BCL2: variants seen among roughly 807,000 people sequenced by gnomAD.
BCL2 encodes the protein BCL2 apoptosis regulator, also known as apoptosis regulator Bcl-2.
Under a neutral mutation model 14.2 loss-of-function variants are expected in BCL2, and 1 was observed. The ratio of observed to expected loss-of-function variants is 0.07; its 90% CI spans 0.02 to 0.33. The LOEUF is 0.33. Among genes scored for constraint, BCL2 ranks in the 10% least tolerant of loss-of-function variants. The probability of loss-of-function intolerance (pLI) is 0.99; values close to 1 mark genes in which losing one functional copy is unlikely to be tolerated. For synonymous variants in BCL2, 151 were observed against 137.2 expected (o/e 1.10, Z -0.70); for missense variants, 247 against 305.9 (o/e 0.81, Z 1.44).
intron 2 of BCL2, among the ~76,000 whole-genome samples, chr18:63,169,677 C>A (rs900489402): frequency 1.3e-5 from 2 of 151,752 alleles, no homozygotes; most frequent in Non-Finnish European, 2.9e-5. Flanking sequence ...GTGTGTGACA[C>A]CATGCCCAGC....
chr18:63,272,819 C>T (rs950022445), intron 2 of BCL2, among the ~76,000 whole-genome samples: 3 of 152,148 alleles, frequency 2.0e-5, no homozygotes, highest in African/African-American at 7.2e-5. Context: ...GATTCAAACT[C>T]AATTCCCTTC....
intron 2 of BCL2, among the ~76,000 whole-genome samples, chr18:63,152,339 C>T (rs1914670380): frequency 6.6e-6 from 1 of 152,214 alleles, no homozygotes; most frequent in Admixed American, 6.5e-5. Flanking sequence ...ATTATTTGCT[C>T]AGCAGAGCCT....
At chr18:63,160,713 C>G (rs1380732630) in intron 2 of BCL2, among the ~76,000 whole-genome samples, 2 of 152,170 alleles carry the variant, frequency 1.3e-5, no homozygotes, top group Admixed American at 6.5e-5. Flanking sequence ...CATCACATTC[C>G]TCCCTGTCTC....
At chr18:63,164,175 G>A (rs950459151) in intron 2 of BCL2, among the ~76,000 whole-genome samples, 1 of 152,196 alleles carries the variant, frequency 6.6e-6, no homozygotes, top group Admixed American at 6.5e-5. Flanking sequence ...TCAGGACCCT[G>A]TGATATGGTA....
At position 63,179,832 on chromosome 18, in the gene BCL2, GTAT is replaced by G. The variant is rs1915442888; in HGVS notation, c.586-51076_586-51074del. Among the ~76,000 whole-genome samples, 3 of 152,202 alleles carry G rather than the reference GTAT, an allele frequency of 2.0e-5. No individual in the cohort carries two copies. In the South Asian group the frequency reaches 6.2e-4, roughly 31 times the overall value. ...TTATGACGATGAAATGAGTTGCCAG[GTAT>G]TATAGTGTTTAGAATGCAGCATAGC... On this transcript the variant is annotated intron_variant, in intron 2 of 2. Coordinates refer to ENST00000333681, the MANE Select transcript of BCL2 (RefSeq NM_000633.3).
chr18:63,211,063 C>CTTTTTTTTTTTTT (rs59302545), intron 2 of BCL2, among the ~76,000 whole-genome samples: 2 of 59,142 alleles, frequency 3.4e-5, no homozygotes, highest in African/African-American at 7.0e-5. Flanking sequence ...CTTTTCATTT[C>CTTTTTTTTTTTTT]TTTTTTTTTT....
chr18:63,142,685 C>T (rs188558129), intron 2 of BCL2, among the ~76,000 whole-genome samples: 2 of 152,288 alleles, frequency 1.3e-5, no homozygotes, highest in East Asian at 1.9e-4. Flanking sequence ...ATCAATCTAC[C>T]GATCAGGAAG....
chr18:63,170,574 G>A (rs1231410226), intron 2 of BCL2, among the ~76,000 whole-genome samples: 1 of 152,194 alleles, frequency 6.6e-6, no homozygotes, highest in Non-Finnish European at 1.5e-5. Flanking sequence ...CTAACACTGT[G>A]AGATGCAAGT....
intron 2 of BCL2, among the ~76,000 whole-genome samples, chr18:63,167,913 G>A (rs1287370474): frequency 1.3e-5 from 2 of 148,594 alleles, no homozygotes; most frequent in African/African-American, 2.5e-5. Context: ...GTGACAGAGT[G>A]AGACTCCGTC....
chr18:63,123,668 A>G lies in BCL2; in HGVS notation c.*4957T>C, dbSNP rs956961162. The G allele has an allele frequency of 4.7e-6, 1 of 212,780 alleles. No individual in the cohort carries two copies. The highest frequency in any genetic ancestry group is 9.5e-6 in the Non-Finnish European group (1 of 105,180). 13.2% of individuals were successfully genotyped at this position (212,780 alleles called of 1,614,324 possible). A position where few individuals can be genotyped will look rare whatever the true frequency, so the allele number is the denominator to read the frequency against. ...ACACTTATTTTTATTTAAAACAAAA[A>G]TAACCCCAGTAACTCAAAACAAAAG... On this transcript the variant is annotated 3_prime_UTR_variant, in exon 3 of 3. Transcript: ENST00000333681.
At chr18:63,260,772 G>T (rs1205072778) in intron 2 of BCL2, among the ~76,000 whole-genome samples, 1 of 151,554 alleles carries the variant, frequency 6.6e-6, no homozygotes, top group Non-Finnish European at 1.5e-5. Context: ...TGAAGTGGGA[G>T]AAATAAGAGG....
chr18:63,316,232 C>T (rs1177479352), intron 2 of BCL2: 1 of 152,178 alleles, frequency 6.6e-6, no homozygotes, highest in African/African-American at 2.4e-5. Flanking sequence ...TAATTTCTGT[C>T]ATAAACATGT....
intron 2 of BCL2, among the ~76,000 whole-genome samples, chr18:63,254,992 C>A (rs1911429137): frequency 6.6e-6 from 1 of 152,182 alleles, no homozygotes. Context: ...TGGATCTGGT[C>A]CTTGGATTGC....
In BCL2 at chr18:63,145,597, A is replaced by G. The variant is rs553741039; in HGVS notation, c.586-16838T>C. 1.0e-4 allele frequency among the ~76,000 whole-genome samples: 16 copies of G among 152,382 alleles called. No homozygotes were observed. The South Asian group carries it at 3.3e-3, about 32-fold the overall frequency. On this transcript the variant is annotated intron_variant, in intron 2 of 2. Coordinates refer to ENST00000333681, the MANE Select transcript of BCL2 (RefSeq NM_000633.3). ...GAACCTACCTGCCAAGTGTTTTACA[A>G]GAACCTAGCTCTGCTCACCAAGCAT...
At chr18:63,299,985 CCAGAAA>C (rs1295359453) in intron 2 of BCL2, among the ~76,000 whole-genome samples, 1 of 152,038 alleles carries the variant, frequency 6.6e-6, no homozygotes, top group Admixed American at 6.6e-5. Flanking sequence ...GAGATCATGT[CCAGAAA>C]CCCAGTAGGC....
chr18:63,294,651 C>A (rs138448128), intron 2 of BCL2, among the ~76,000 whole-genome samples: 34 of 151,518 alleles, frequency 2.2e-4, no homozygotes, highest in African/African-American at 7.8e-4. Flanking sequence ...GCCTGGGCGA[C>A]AGAGTGAGAA....
intron 2 of BCL2, among the ~76,000 whole-genome samples, chr18:63,254,266 C>G (rs1437045585): frequency 6.6e-6 from 1 of 151,318 alleles, no homozygotes; most frequent in Non-Finnish European, 1.5e-5. Context: ...TTCTTCCTGT[C>G]CAGGCAAGGT....
At position 63,125,976 on chromosome 18, in the gene BCL2, G is replaced by C. The variant is rs1484747713; in HGVS notation, c.*2649C>G. 4.7e-6 allele frequency: 1 copy of C among 214,372 alleles called. No homozygotes were observed. Among genetic ancestry groups the C allele is most frequent in the Non-Finnish European group, 9.4e-6 (1 of 105,890 alleles). The allele number at this position is 214,372 out of a possible 1,614,324, so 13.3% of individuals were successfully genotyped here. A position where few individuals can be genotyped will look rare whatever the true frequency, so the allele number is the denominator to read the frequency against. ...TTGAACAACAACAAAAGACAAAACA[G>C]GCTTTATATTAAAAACGTCCACGTT... On this transcript the variant is annotated 3_prime_UTR_variant, in exon 3 of 3. Coordinates refer to ENST00000333681, the MANE Select transcript of BCL2 (RefSeq NM_000633.3).
At chr18:63,227,145 A>G (rs971211538) in intron 2 of BCL2, among the ~76,000 whole-genome samples, 4 of 152,204 alleles carry the variant, frequency 2.6e-5, no homozygotes, top group African/African-American at 9.6e-5. Flanking sequence ...CAATTACACA[A>G]ATCAAAAGGT....
Sources: gnomAD v4.1 joint callset for allele counts (sites outside exome capture counted in the v4.1 genomes callset) on GRCh38, gnomAD v4.1.1 for gene constraint, MANE v1.5 for transcripts, NCBI Gene and HGNC (gene_info 2026-07-23, HGNC 2026-07-21) for gene names.